Variants in KIF26B observed in about 807,000 individuals in gnomAD.
KIF26B encodes kinesin family member 26B.
Under a neutral mutation model 151.2 loss-of-function variants are expected in KIF26B, and 63 were observed. The observed-to-expected ratio is 0.42, with a 90% CI of 0.34 to 0.51. The LOEUF (loss-of-function observed/expected upper bound fraction) is 0.51. KIF26B is among the 20% of genes least tolerant of loss of function. KIF26B has a pLI of 0.07. For missense variants in KIF26B, 2,813 were observed against 2,913.6 expected (o/e 0.97, Z 0.79); for synonymous variants, 1,357 against 1,262.1 (o/e 1.08, Z -1.59).
chr1:245,205,393 T>C (rs574912125), intron 2 of KIF26B, among the ~76,000 whole-genome samples: 2 of 152,328 alleles, frequency 1.3e-5, no homozygotes, highest in East Asian at 3.9e-4. Context: ...CAAAAACAAC[T>C]GGAGCACAGC....
intron 4 of KIF26B, among the ~76,000 whole-genome samples, chr1:245,501,748 A>C (rs1660625589): frequency 6.6e-6 from 1 of 152,234 alleles, no homozygotes; most frequent in Non-Finnish European, 1.5e-5. Context: ...GGCATATAGC[A>C]GTCTGAAATA....
At chr1:245,328,248 G>A (rs879244542) in intron 2 of KIF26B, among the ~76,000 whole-genome samples, 3 of 151,514 alleles carry the variant, frequency 2.0e-5, no homozygotes, top group Non-Finnish European at 4.4e-5. Flanking sequence ...TTATTTTGCA[G>A]GGGGGAGGGG....
chr1:245,660,514 A>T (rs5006221), intron 10 of KIF26B, among the ~76,000 whole-genome samples: 18,578 of 149,902 alleles, frequency 0.12, 1,443 homozygotes, highest in East Asian at 0.38. Flanking sequence ...ATTTTTAAAA[A>T]TTTTTTTCTA....
chr1:245,261,090 G>GCTTCCTTC (rs779978341), intron 2 of KIF26B, among the ~76,000 whole-genome samples: 1 of 129,730 alleles, frequency 7.7e-6, no homozygotes, highest in African/African-American at 2.9e-5. Context: ...CTCTCTCCCT[G>GCTTCCTTC]CTTCCTTCCT....
chr1:245,238,769 G>A (rs1175459105), intron 2 of KIF26B, among the ~76,000 whole-genome samples: 4 of 152,040 alleles, frequency 2.6e-5, no homozygotes, highest in African/African-American at 7.2e-5. Flanking sequence ...GGCTGAGGCA[G>A]GAGAATTGCT....
In KIF26B at chr1:245,705,129, A is replaced by G. The variant is rs2044823940; in HGVS notation, c.*2523A>G. On this transcript the variant is annotated 3_prime_UTR_variant, in exon 15 of 15. Coordinates refer to ENST00000407071, the MANE Select transcript of KIF26B (RefSeq NM_018012.4). ...TCCATTTGTAGCAACTTTATGCTGT[A>G]ACAAAAGGCGGAAGGAAACCAAGAG... 1 of 152,154 alleles carries G rather than the reference A, an allele frequency of 6.6e-6. No individual in the cohort carries two copies. The highest frequency in any genetic ancestry group is 6.5e-5 in the Admixed American group (1 of 15,284). 9.4% of individuals were successfully genotyped at this position (152,154 alleles called of 1,614,324 possible). A position where few individuals can be genotyped will look rare whatever the true frequency, so the allele number is the denominator to read the frequency against.
intron 4 of KIF26B, among the ~76,000 whole-genome samples, chr1:245,433,190 G>C (rs1416805153): frequency 2.6e-5 from 4 of 152,100 alleles, no homozygotes; most frequent in Non-Finnish European, 4.4e-5. Context: ...ATGGAGCCGT[G>C]TGCGGCGGCT....
chr1:245,266,721 G>T lies in KIF26B; in HGVS notation c.466-100113G>T, dbSNP rs530027430. On this transcript the variant is annotated intron_variant, in intron 2 of 14. Transcript: ENST00000407071. Reference sequence around the variant, plus strand: ...GGGGTTTCACCATCTTGGTCAGCCTGGTCTTGAACTCCTGACCTTGTGATC... The same window carrying T: ...GGGGTTTCACCATCTTGGTCAGCCTTGTCTTGAACTCCTGACCTTGTGATC... 5.3e-5 allele frequency among the ~76,000 whole-genome samples: 8 copies of T among 152,222 alleles called. No homozygotes were observed. In the East Asian group the frequency reaches 1.4e-3, roughly 26 times the overall value.
intron 2 of KIF26B, among the ~76,000 whole-genome samples, chr1:245,228,824 G>GC (rs895179216): frequency 1.3e-5 from 2 of 152,200 alleles, no homozygotes; most frequent in African/African-American, 4.8e-5. Flanking sequence ...TGGAGCAGAG[G>GC]CAGGAGCCTA....
At chr1:245,357,675 G>GGA (rs57632321) in intron 2 of KIF26B, among the ~76,000 whole-genome samples, 1,968 of 152,220 alleles carry the variant, frequency 0.013, 44 homozygotes, top group African/African-American at 0.045. Flanking sequence ...GGTTGATGAG[G>GGA]GAGAGAGGGA....
intron 4 of KIF26B, among the ~76,000 whole-genome samples, chr1:245,434,704 C>T (rs1658861928): frequency 6.6e-6 from 1 of 152,070 alleles, no homozygotes; most frequent in Non-Finnish European, 1.5e-5. Flanking sequence ...AACACCCCAG[C>T]TCTCTTGTCT....
chr1:245,680,290 A>G (rs1011954832), intron 10 of KIF26B, among the ~76,000 whole-genome samples: 6 of 152,106 alleles, frequency 3.9e-5, no homozygotes, highest in African/African-American at 1.4e-4. Flanking sequence ...TCCCCAAAGG[A>G]CATCTTTTAG....
chr1:245,176,499 G>A (rs925274588), intron 2 of KIF26B, among the ~76,000 whole-genome samples: 1 of 152,098 alleles, frequency 6.6e-6, no homozygotes, highest in African/African-American at 2.4e-5. Context: ...GTTCCTGGAG[G>A]TGCATACTTG....
At chr1:245,311,613 A>C (rs189266182) in intron 2 of KIF26B, among the ~76,000 whole-genome samples, 3 of 152,074 alleles carry the variant, frequency 2.0e-5, no homozygotes, top group African/African-American at 7.2e-5. Flanking sequence ...AAAATAAAAT[A>C]AAATAAAAAT....
In KIF26B at chr1:245,326,513, G is replaced by T. The variant is rs560287332; in HGVS notation, c.466-40321G>T. ...GTTTACCCCAGGACCGCCAGGCAAAGGTTCCGGACCACTGTTTGTTTTCCA... is the reference window on the plus strand; with the variant it reads ...GTTTACCCCAGGACCGCCAGGCAAATGTTCCGGACCACTGTTTGTTTTCCA... On this transcript the variant is annotated intron_variant, in intron 2 of 14. Transcript: ENST00000407071. Among the ~76,000 whole-genome samples, 243 of 152,286 alleles carry T rather than the reference G, an allele frequency of 1.6e-3. 1 individual carries two copies. Among genetic ancestry groups the T allele is most frequent in the African/African-American group, 5.5e-3 (230 of 41,562 alleles).
At chr1:245,219,139 T>TC (rs201316432) in intron 2 of KIF26B, among the ~76,000 whole-genome samples, 3 of 121,272 alleles carry the variant, frequency 2.5e-5, no homozygotes, top group East Asian at 2.3e-4. Context: ...TTTTTTTTTT[T>TC]TTTTTTTTTT....
intron 2 of KIF26B, among the ~76,000 whole-genome samples, chr1:245,260,525 A>G (rs1670613558): frequency 6.6e-6 from 1 of 152,236 alleles, no homozygotes; most frequent in South Asian, 2.1e-4. Context: ...GACATTTTAT[A>G]AATAGAACAT....
In KIF26B at chr1:245,156,551, GGGCTCCGGCAGCGGCGGC is replaced by G; in HGVS notation, c.340_357del (p.Gly114_Ser119del). On this transcript the variant is annotated inframe_deletion, in exon 2 of 15. Coordinates refer to ENST00000407071, the MANE Select transcript of KIF26B (RefSeq NM_018012.4). ...CTCCGGGCTTCGGCACAGGCTCCCC[GGGCTCCGGCAGCGGCGGC>G]GGCTCCTCCCCCGGCTCGGACCGCG... 6.5e-7 allele frequency: 1 copy of G among 1,535,470 alleles called. No homozygotes were observed. Among genetic ancestry groups the G allele is most frequent in the African/African-American group, 1.4e-5 (1 of 71,842 alleles).
chr1:245,276,841 A>G (rs1209565174), intron 2 of KIF26B, among the ~76,000 whole-genome samples: 1 of 152,186 alleles, frequency 6.6e-6, no homozygotes. Flanking sequence ...AGGGTCTTGC[A>G]GTTCCTATTT....
Sources: allele counts gnomAD v4.1 joint callset (sites outside exome capture counted in the v4.1 genomes callset), GRCh38; gene constraint gnomAD v4.1.1; transcripts MANE v1.5; gene names NCBI Gene and HGNC (gene_info 2026-07-23, HGNC 2026-07-21).